The following EIF2A variants were observed in gnomAD, a reference collection of about 807,000 sequenced individuals.
EIF2A encodes eukaryotic translation initiation factor 2A.
Under a neutral mutation model 75.2 loss-of-function variants are expected in EIF2A, and 62 were observed. The observed-to-expected ratio is 0.82, with a 90% CI of 0.67 to 1.02. The LOEUF (loss-of-function observed/expected upper bound fraction) is 1.02, where lower values mean the gene tolerates loss of function less well. Among genes scored for constraint, EIF2A ranks in the 50% least tolerant of loss-of-function variants. EIF2A has a pLI of 0.00. For synonymous variants in EIF2A, 207 were observed against 239.0 expected (o/e 0.87, Z 1.23); for missense variants, 611 against 677.7 (o/e 0.90, Z 1.09).
At chr3:150,579,042 T>TA (rs1725031179) in intron 11 of EIF2A, among the ~76,000 whole-genome samples, 1 of 152,216 alleles carries the variant, frequency 6.6e-6, no homozygotes, top group African/African-American at 2.4e-5. Flanking sequence ...TGTTCTTGGT[T>TA]AGTTTGTGGG....
At chr3:150,571,015 G>A (rs62283994) in intron 9 of EIF2A, among the ~76,000 whole-genome samples, 16,883 of 151,754 alleles carry the variant, frequency 0.11, 1,218 homozygotes, top group Non-Finnish European at 0.16. Context: ...GCATTGAGCC[G>A]AGACCGTGCC....
At chr3:150,579,702 CAAA>C (rs66761185) in intron 11 of EIF2A, among the ~76,000 whole-genome samples, 28 of 134,082 alleles carry the variant, frequency 2.1e-4, no homozygotes, top group Non-Finnish European at 2.6e-4. Context: ...ACTCTGTCTC[CAAA>C]AAAAAAAAAA....
At chr3:150,564,467 C>G in intron 6 of EIF2A, 86 bp downstream of exon 6, 1 of 997,188 alleles carries the variant, frequency 1.0e-6, no homozygotes, top group Non-Finnish European at 1.4e-6. Flanking sequence ...TAGGGTTTTC[C>G]TAAATACTGT....
chr3:150,570,183 A>G (rs986552912), intron 9 of EIF2A, among the ~76,000 whole-genome samples: 9 of 152,178 alleles, frequency 5.9e-5, no homozygotes, highest in African/African-American at 2.2e-4. Flanking sequence ...AGAAGTACTA[A>G]GGGGAAAAAA....
intron 11 of EIF2A, 77 bp downstream of exon 11, chr3:150,575,839 A>AAAGTGCTGGGATTAC: frequency 1.6e-6 from 2 of 1,274,984 alleles, no homozygotes; most frequent in Non-Finnish European, 2.2e-6. Flanking sequence ...CCGTAATCCC[A>AAAGTGCTGGGATTAC]GCACTTTGGG....
At chr3:150,576,120 CTTAAAGT>C (rs1332512135) in intron 11 of EIF2A, among the ~76,000 whole-genome samples, 10 of 152,056 alleles carry the variant, frequency 6.6e-5, no homozygotes, top group Non-Finnish European at 1.2e-4. Flanking sequence ...AGCTTTAAGC[CTTAAAGT>C]TTAAAGAATT....
At chr3:150,554,815 C>T (rs550638334) in intron 2 of EIF2A, among the ~76,000 whole-genome samples, 93 of 152,316 alleles carry the variant, frequency 6.1e-4, no homozygotes, top group African/African-American at 2.1e-3. Context: ...GAAGCATGGG[C>T]CCAACCAAGA....
chr3:150,580,345 CAGTA>C (rs1407024250), intron 11 of EIF2A, among the ~76,000 whole-genome samples: 2 of 152,002 alleles, frequency 1.3e-5, no homozygotes, highest in Non-Finnish European at 2.9e-5. Flanking sequence ...CTGTGATACA[CAGTA>C]AGAGATTAAC....
chr3:150,583,287 T>C, intron 13 of EIF2A, 22 bp downstream of exon 13: 1 of 1,611,628 alleles, frequency 6.2e-7, no homozygotes, highest in Non-Finnish European at 8.5e-7. Flanking sequence ...ATTTTTCATT[T>C]AGGCTTGTGG....
At chr3:150,568,322 A>G in intron 9 of EIF2A, 30 bp downstream of exon 9, 1 of 1,528,700 alleles carries the variant, frequency 6.5e-7, no homozygotes, top group Non-Finnish European at 8.9e-7. Context: ...TCCTTTGATT[A>G]GAAACAATGA....
At position 150,572,173 on chromosome 3, in the gene EIF2A, GT is replaced by G; in HGVS notation, c.1028del (p.Val343GlyfsTer4). 6.2e-7 allele frequency: 1 copy of G among 1,613,976 alleles called. No homozygotes were observed. Among genetic ancestry groups the G allele is most frequent in the Non-Finnish European group, 8.5e-7 (1 of 1,179,880 alleles). On this transcript the variant is annotated frameshift_variant, in exon 10 of 14. Transcript: ENST00000460851. LOFTEE classifies it high-confidence loss of function. ...TGGAAATCTGAGGGGACAAATGGAAGTGTGGGATGTGAAAAACTACAAACTT... is the reference window on the plus strand; with the variant it reads ...TGGAAATCTGAGGGGACAAATGGAAGGTGGGATGTGAAAAACTACAAACTT... Reference protein sequence around the residue: ...GFGNLRGQMEVWDVKNYKLIS... With the variant: ...GFGNLRGQMEXWDVKNYKLIS...
rs1317303608 is a variant in EIF2A at position 150,581,680 on chromosome 3, A to C, written c.1560A>C (p.Arg520=). The C allele has an allele frequency of 9.0e-6, 14 of 1,553,412 alleles. No individual in the cohort carries two copies. Among genetic ancestry groups the C allele is most frequent in the South Asian group, 2.4e-5 (2 of 84,144 alleles). Residue 520 remains arginine, a synonymous_variant, in exon 12 of 14, where the codon CGA becomes CGC. Transcript: ENST00000460851. The part of the protein sequence containing the change: ...APTPAPQSTP[R]NTVSQSISGD... ...CTCCTGCCCCACAGAGCACACCACG[A>C]AACACTGTCTCTCAGTCAATTTCTG...
At chr3:150,570,725 A>C (rs923975476) in intron 9 of EIF2A, among the ~76,000 whole-genome samples, 1 of 152,178 alleles carries the variant, frequency 6.6e-6, no homozygotes, top group African/African-American at 2.4e-5. Flanking sequence ...GAAACTACAC[A>C]GTATAGTTGA....
Position 150,584,341 on chromosome 3 carries a change from C to G in EIF2A, c.*430C>G, listed in dbSNP as rs1421469746. 6.6e-6 allele frequency: 1 copy of G among 152,598 alleles called. No homozygotes were observed. The highest frequency in any genetic ancestry group is 2.4e-5 in the African/African-American group (1 of 41,418). The allele number at this position is 152,598 out of a possible 1,614,324, so 9.5% of individuals were successfully genotyped here. ...TCTCACAAGACTCTATGAAGTAATT[C>G]TTTTAATCTCTATTTTATAAATGAA... is the stretch of plus-strand genomic sequence containing the variant. On this transcript the variant is annotated 3_prime_UTR_variant, in exon 14 of 14. Transcript: ENST00000460851.
At chr3:150,560,366 G>A (rs375701496) in intron 3 of EIF2A, among the ~76,000 whole-genome samples, 18 of 152,246 alleles carry the variant, frequency 1.2e-4, no homozygotes, top group African/African-American at 4.1e-4. Context: ...GTCAGAAACC[G>A]TTACTGATTC....
chr3:150,579,066 T>C (rs894074110), intron 11 of EIF2A, among the ~76,000 whole-genome samples: 1 of 152,182 alleles, frequency 6.6e-6, no homozygotes, highest in Non-Finnish European at 1.5e-5. Context: ...AAATAAATTT[T>C]ATATATCACT....
At chr3:150,548,246 T>G (rs1024608027) in intron 1 of EIF2A, among the ~76,000 whole-genome samples, 5 of 152,196 alleles carry the variant, frequency 3.3e-5, no homozygotes, top group African/African-American at 1.2e-4. Context: ...CAAACTCTTT[T>G]TCATCTGTTG....
At position 150,567,760 on chromosome 3, in the gene EIF2A, A is replaced by T; in HGVS notation, c.543A>T (p.Pro181=). The T allele has an allele frequency of 6.4e-7, 1 of 1,565,740 alleles. No individual in the cohort carries two copies. Among genetic ancestry groups the T allele is most frequent in the Non-Finnish European group, 8.7e-7 (1 of 1,154,310 alleles). Residue 181 remains proline, a synonymous_variant, in exon 7 of 14, where the codon CCA becomes CCT. Coordinates refer to ENST00000460851, the MANE Select transcript of EIF2A (RefSeq NM_032025.5). ...TTGTATTATCACCTGGACCCCAACC[A>T]TACAAGGTAATTGCTGTTTTTGTTT... ...NDFVLSPGPQ[P]YKVAVYVPGS... is the part of the protein sequence containing the mutation.
At position 150,583,885 on chromosome 3, in the gene EIF2A, C is replaced by G. The variant is rs772127763; in HGVS notation, c.1732C>G (p.Leu578Val). ...GAAAGAAACAGCCCTTCTCCAGGAG[C>G]TGGAAGATTTGGAATTGGGTATTTA... ...IQKETALLQE[L>V]EDLELGI Residue 578 changes from leucine (L) to valine (V), a missense_variant, in exon 14 of 14, where the codon CTG becomes GTG. Transcript: ENST00000460851. 1.9e-5 allele frequency: 31 copies of G among 1,613,228 alleles called. No homozygotes were observed. The highest frequency in any genetic ancestry group is 2.4e-5 in the Non-Finnish European group (28 of 1,179,504).
Sources: gnomAD v4.1 joint callset for allele counts (sites outside exome capture counted in the v4.1 genomes callset) on GRCh38, gnomAD v4.1.1 for gene constraint, MANE v1.5 for transcripts, NCBI Gene and HGNC (gene_info 2026-07-23, HGNC 2026-07-21) for gene names.